Variants in MTDH observed in about 807,000 individuals in gnomAD.
The protein encoded by MTDH is metadherin, also known as protein LYRIC.
MTDH carries 34 observed loss-of-function variants against 72.7 expected under a neutral mutation model. That is an observed-to-expected ratio of 0.47 (90% CI 0.36 to 0.62). MTDH has a LOEUF of 0.62. Among genes scored for constraint, MTDH ranks in the 20% least tolerant of loss-of-function variants. The pLI, the probability that MTDH is intolerant of heterozygous loss-of-function variation, is 0.00. For synonymous variants in MTDH, 266 were observed against 268.9 expected, an observed-to-expected ratio of 0.99 and a Z score of 0.10; for missense variants, 677 against 699.4, an observed-to-expected ratio of 0.97 and a Z score of 0.36.
chr8:97,644,986 T>G, intron 1 of MTDH, 99 bp downstream of exon 1: 1 of 1,367,502 alleles, frequency 7.3e-7, no homozygotes, highest in Non-Finnish European at 9.6e-7. Context: ...AGGAAAAGAG[T>G]GCTTAGTCGA....
chr8:97,675,863 C>A (rs1195077956), intron 2 of MTDH, among the ~76,000 whole-genome samples: 10 of 151,778 alleles, frequency 6.6e-5, no homozygotes, highest in Non-Finnish European at 1.2e-4. Context: ...CAGAGCCAGA[C>A]CCTGTCTACA....
At chr8:97,647,371 G>A (rs1811607808) in intron 1 of MTDH, among the ~76,000 whole-genome samples, 1 of 152,144 alleles carries the variant, frequency 6.6e-6, no homozygotes, top group Admixed American at 6.5e-5. Flanking sequence ...AGAACGACCT[G>A]GGCAATATAG....
chr8:97,658,348 A>G (rs901788807), intron 1 of MTDH, among the ~76,000 whole-genome samples: 11 of 152,358 alleles, frequency 7.2e-5, no homozygotes, highest in African/African-American at 2.6e-4. Flanking sequence ...GCCTATGGAA[A>G]TGGGAACTGA....
At chr8:97,667,632 G>A (rs1812444050) in intron 2 of MTDH, among the ~76,000 whole-genome samples, 3 of 152,142 alleles carry the variant, frequency 2.0e-5, no homozygotes, top group South Asian at 2.1e-4. Flanking sequence ...CTATCTTGTC[G>A]CTTAAAGGAA....
At chr8:97,705,792 G>T (rs1023740882) in intron 7 of MTDH, among the ~76,000 whole-genome samples, 2 of 152,148 alleles carry the variant, frequency 1.3e-5, no homozygotes, top group African/African-American at 4.8e-5. Flanking sequence ...AACATATATA[G>T]GAGTATATGA....
chr8:97,723,226 G>A (rs112249127), intron 11 of MTDH, among the ~76,000 whole-genome samples, 191 bp downstream of exon 11: 5,243 of 151,592 alleles, frequency 0.035, 307 homozygotes, highest in African/African-American at 0.12. Context: ...GTGAAACCCC[G>A]TCTCTACTAA....
At chr8:97,689,724 G>A (rs1424323436) in intron 5 of MTDH, among the ~76,000 whole-genome samples, 1 of 115,986 alleles carries the variant, frequency 8.6e-6, no homozygotes, top group Non-Finnish European at 1.7e-5. Flanking sequence ...TTTTTTTTTG[G>A]GAAATGGAAT....
At chr8:97,650,746 T>C (rs1285330442) in intron 1 of MTDH, among the ~76,000 whole-genome samples, 1 of 151,998 alleles carries the variant, frequency 6.6e-6, no homozygotes, top group Non-Finnish European at 1.5e-5. Flanking sequence ...TTTATTTATT[T>C]TTTGAGCTGG....
chr8:97,683,932 A>C (rs938556054), intron 2 of MTDH, among the ~76,000 whole-genome samples: 11 of 152,056 alleles, frequency 7.2e-5, no homozygotes, highest in Non-Finnish European at 1.3e-4. Context: ...ACCAACATGG[A>C]AAAACCCCAT....
At chr8:97,710,540 A>G (rs992198230) in intron 8 of MTDH, among the ~76,000 whole-genome samples, 2 of 151,208 alleles carry the variant, frequency 1.3e-5, no homozygotes, top group Non-Finnish European at 2.9e-5. Flanking sequence ...AATACAAAAA[A>G]AAAAAAATTT....
rs538809266 is a variant in MTDH, at chr8:97,686,442, T to C, written c.484-226T>C. 9.8e-4 allele frequency among the ~76,000 whole-genome samples: 150 copies of C among 152,316 alleles called. 1 individual carries two copies. The highest frequency in any genetic ancestry group is 6.8e-3 in the Middle Eastern group (2 of 294). On this transcript the variant is annotated intron_variant, in intron 2 of 11. Coordinates refer to ENST00000336273, the MANE Select transcript of MTDH (RefSeq NM_178812.4). The stretch of plus-strand genomic sequence containing the variant: ...AATACCTTCTCCAGCAAGTTTCTTT[T>C]AAGGAATAAATAAGAAAATGAGTAC...
rs1219953928 is a variant in MTDH at position 97,724,707 on chromosome 8, A to G, written c.*37A>G. The G allele has an allele frequency of 6.8e-7, 1 of 1,464,090 alleles. No homozygotes were observed. The highest frequency in any genetic ancestry group is 9.3e-7 in the Non-Finnish European group (1 of 1,074,468). 90.7% of individuals were successfully genotyped at this position (1,464,090 alleles called of 1,614,324 possible). ...CTGAATTGGACATGTGTTTGCAAACACTTGTCTTGAAGATTATGCTGTTTA... is the reference window on the plus strand; with the variant it reads ...CTGAATTGGACATGTGTTTGCAAACGCTTGTCTTGAAGATTATGCTGTTTA... On this transcript the variant is annotated 3_prime_UTR_variant, in exon 12 of 12. Transcript: ENST00000336273.
chr8:97,711,951 T>C (rs1260087319), intron 8 of MTDH, among the ~76,000 whole-genome samples: 1 of 152,240 alleles, frequency 6.6e-6, no homozygotes, highest in African/African-American at 2.4e-5. Flanking sequence ...CGTGTTTGCA[T>C]TGATGCAATC....
rs1812727558 is a variant in MTDH, at chr8:97,673,691, TTG to T, written c.483+12519_483+12520del. 8.7e-5 allele frequency among the ~76,000 whole-genome samples: 13 copies of T among 149,880 alleles called. No individual in the cohort carries two copies. The South Asian group carries it at 2.7e-3, about 32-fold the overall frequency. On this transcript the variant is annotated intron_variant, in intron 2 of 11. Coordinates refer to ENST00000336273, the MANE Select transcript of MTDH (RefSeq NM_178812.4). The stretch of plus-strand genomic sequence containing the variant: ...GGGCGGGGAAGGGGGGGCACAGGAA[TTG>T]GCCGGGTGCAGTGGCTCACACCTTT...
rs188257400 is a variant in MTDH at position 97,663,638 on chromosome 8, A to G, written c.483+2465A>G. Among the ~76,000 whole-genome samples, 7 of 152,000 alleles carry G rather than the reference A, an allele frequency of 4.6e-5. No homozygotes were observed. The East Asian group carries it at 1.4e-3, about 29-fold the overall frequency. ...GTAGCGGGCGCCTGTAGTCCCAGCTACTAGGGAGGCTGAGGCAGGAGAATG... is the reference window on the plus strand; with the variant it reads ...GTAGCGGGCGCCTGTAGTCCCAGCTGCTAGGGAGGCTGAGGCAGGAGAATG... On this transcript the variant is annotated intron_variant, in intron 2 of 11. Transcript: ENST00000336273.
In MTDH at chr8:97,680,533, A is replaced by G. The variant is rs191544894; in HGVS notation, c.484-6135A>G. The stretch of plus-strand genomic sequence containing the variant: ...TGCACATACATGTGCACACATGCCT[A>G]TACATGTACTTAACATATAACACAA... On this transcript the variant is annotated intron_variant, in intron 2 of 11. Transcript: ENST00000336273. Among the ~76,000 whole-genome samples the G allele has an allele frequency of 2.0e-4, 31 of 152,354 alleles. No individual in the cohort carries two copies. In the East Asian group the frequency reaches 5.8e-3, roughly 28 times the overall value.
intron 1 of MTDH, among the ~76,000 whole-genome samples, chr8:97,645,647 G>A (rs1586192992): frequency 6.6e-6 from 1 of 152,212 alleles, no homozygotes; most frequent in East Asian, 1.9e-4. Flanking sequence ...GGTGAAAGCC[G>A]AGAGAGGAAT....
intron 2 of MTDH, among the ~76,000 whole-genome samples, chr8:97,680,693 G>A (rs1333080386): frequency 6.6e-6 from 1 of 152,152 alleles, no homozygotes; most frequent in Admixed American, 6.5e-5. Context: ...GATTTTTTGA[G>A]ATGACTTCTG....
Position 97,697,150 on chromosome 8 carries a change from A to ATATATATATATATATTT in MTDH, c.1049-2603_1049-2602insATATATATATATATTTT. 4.8e-4 allele frequency among the ~76,000 whole-genome samples: 33 copies of ATATATATATATATATTT among 68,720 alleles called. No individual in the cohort carries two copies. The East Asian group carries it at 7.6e-3, about 16-fold the overall frequency. The allele number at this position is 68,720 out of a possible 152,430, so 45.1% of individuals were successfully genotyped here. ...AAAAAATATATATATATATATATAT[A>ATATATATATATATATTT]TTTTTTTTTTGTGGACCCAGTTTAC... On this transcript the variant is annotated intron_variant, in intron 6 of 11. Coordinates refer to ENST00000336273, the MANE Select transcript of MTDH (RefSeq NM_178812.4).
Sources: allele counts gnomAD v4.1 joint callset (sites outside exome capture counted in the v4.1 genomes callset), GRCh38; gene constraint gnomAD v4.1.1; transcripts MANE v1.5; gene names NCBI Gene and HGNC (gene_info 2026-07-23, HGNC 2026-07-21).